Variants in MAP3K21 observed in about 807,000 individuals in gnomAD.
The protein encoded by MAP3K21 is mitogen-activated protein kinase kinase kinase MLK4.
Under a neutral mutation model 86.1 loss-of-function variants are expected in MAP3K21, and 63 were observed. That is an observed-to-expected ratio of 0.73 (90% CI 0.60 to 0.90). MAP3K21 has a LOEUF of 0.90. MAP3K21 is among the 40% of genes least tolerant of loss of function. MAP3K21 has a pLI of 0.00. For synonymous variants in MAP3K21, 558 were observed against 564.8 expected (o/e 0.99, Z 0.17); for missense variants, 1,220 against 1,367.7 (o/e 0.89, Z 1.70).
chr1:233,347,134 A>G (rs1047896178), intron 2 of MAP3K21, among the ~76,000 whole-genome samples: 2 of 152,092 alleles, frequency 1.3e-5, no homozygotes, highest in Non-Finnish European at 2.9e-5. Flanking sequence ...GACTCAAGTG[A>G]TCCACCCACC....
At chr1:233,339,397 TTCTCCTCCTC>T (rs1662990689) in intron 1 of MAP3K21, among the ~76,000 whole-genome samples, 1 of 103,272 alleles carries the variant, frequency 9.7e-6, no homozygotes, top group Non-Finnish European at 1.9e-5. Context: ...CTTCTCCTCC[TTCTCCTCCTC>T]CTCCTCCTCC....
In MAP3K21 at chr1:233,382,588, G is replaced by A. The variant is rs764758688; in HGVS notation, c.2988G>A (p.Val996=). 1.2e-6 allele frequency: 2 copies of A among 1,614,182 alleles called. No homozygotes were observed. The highest frequency in any genetic ancestry group is 1.3e-5 in the African/African-American group (1 of 75,052). The stretch of plus-strand genomic sequence containing the variant: ...CCAAGGAGAGAACTAAATCCCATGT[G>A]CCTTCATTACTGGATGCTGACGTGG... ...LAAKERTKSH[V]PSLLDADVEG... The change falls in exon 10 of 10, where the codon GTG becomes GTA. Residue 996 remains valine, a synonymous_variant. Transcript: ENST00000366624.
chr1:233,370,172 T>G (rs1663657235), intron 5 of MAP3K21, among the ~76,000 whole-genome samples: 1 of 152,142 alleles, frequency 6.6e-6, no homozygotes, highest in South Asian at 2.1e-4. Flanking sequence ...GAAAAAAACA[T>G]TTATTGAGCA....
At chr1:233,336,661 G>A (rs1662920673) in intron 1 of MAP3K21, among the ~76,000 whole-genome samples, 1 of 152,122 alleles carries the variant, frequency 6.6e-6, no homozygotes, top group Admixed American at 6.5e-5. Context: ...TTTCACTAAT[G>A]TGCTTTAACA....
At chr1:233,348,785 T>TGA (rs938165996) in intron 2 of MAP3K21, among the ~76,000 whole-genome samples, 2 of 152,092 alleles carry the variant, frequency 1.3e-5, no homozygotes, top group African/African-American at 4.8e-5. Flanking sequence ...AAACTGGGAA[T>TGA]GAGAGAGAGA....
At chr1:233,372,384 T>A (rs546440093) in intron 6 of MAP3K21, 4 of 472,636 alleles carry the variant, frequency 8.5e-6, no homozygotes, top group African/African-American at 5.9e-5. Context: ...CAGTTGGTGA[T>A]GCGACCTGGC....
chr1:233,351,530 A>C (rs574389775), intron 2 of MAP3K21, among the ~76,000 whole-genome samples: 1 of 152,224 alleles, frequency 6.6e-6, no homozygotes, highest in South Asian at 2.1e-4. Flanking sequence ...GTGTCTACTA[A>C]AAATACAAAA....
At chr1:233,347,713 A>G (rs1663174321) in intron 2 of MAP3K21, among the ~76,000 whole-genome samples, 1 of 152,174 alleles carries the variant, frequency 6.6e-6, no homozygotes, top group Admixed American at 6.5e-5. Context: ...GCAACAGTAG[A>G]CGCTGGGGAC....
At chr1:233,341,087 A>G (rs746904727) in intron 1 of MAP3K21, among the ~76,000 whole-genome samples, 35 of 152,238 alleles carry the variant, frequency 2.3e-4, no homozygotes, top group Non-Finnish European at 3.2e-4. Flanking sequence ...GAATGGGGCT[A>G]ACGAGGGTCA....
chr1:233,343,681 T>A (rs2102762325), intron 1 of MAP3K21, among the ~76,000 whole-genome samples: 1 of 152,338 alleles, frequency 6.6e-6, no homozygotes, highest in African/African-American at 2.4e-5. Flanking sequence ...TGCTTGAGCT[T>A]CACTGCTCCT....
chr1:233,381,589 ATAT>A (rs1173703217), intron 9 of MAP3K21, among the ~76,000 whole-genome samples: 1 of 152,112 alleles, frequency 6.6e-6, no homozygotes, highest in Non-Finnish European at 1.5e-5. Context: ...GATATTTTCT[ATAT>A]TATTGTTCAT....
intron 6 of MAP3K21, chr1:233,374,040 C>G (rs1453210936): frequency 6.6e-6 from 1 of 152,170 alleles, no homozygotes; most frequent in East Asian, 1.9e-4. Flanking sequence ...CAGCTGAAAG[C>G]TTTTCCGGTT....
intron 6 of MAP3K21, 197 bp downstream of exon 6, chr1:233,372,357 G>A: frequency 1.7e-6 from 1 of 582,270 alleles, no homozygotes; most frequent in African/African-American, 1.9e-5. Context: ...CACAAAAAAT[G>A]AATTTTAGAT....
rs1326778977 is a variant in MAP3K21, at chr1:233,358,398, G to C, written c.1311+3387G>C. On this transcript the variant is annotated intron_variant, in intron 4 of 9. Transcript: ENST00000366624. ...AGTTCTGTGAAGCATTACTACCAGT[G>C]ATATCATTGACATGTTTCTTGGAAA... Among the ~76,000 whole-genome samples, 3 of 151,166 alleles carry C rather than the reference G, an allele frequency of 2.0e-5. No individual in the cohort carries two copies. The South Asian group carries it at 6.3e-4, about 32-fold the overall frequency.
chr1:233,369,086 T>G (rs1663635245), intron 5 of MAP3K21, among the ~76,000 whole-genome samples: 2 of 152,118 alleles, frequency 1.3e-5, no homozygotes, highest in Non-Finnish European at 2.9e-5. Context: ...AATCATTAGC[T>G]GCTGTGAGGG....
intron 4 of MAP3K21, among the ~76,000 whole-genome samples, chr1:233,356,945 T>C (rs1663370538): frequency 6.6e-6 from 1 of 152,214 alleles, no homozygotes; most frequent in Non-Finnish European, 1.5e-5. Flanking sequence ...ATATTAAACA[T>C]TGAAACAAAT....
At chr1:233,360,136 TC>T (rs1455266614) in intron 4 of MAP3K21, among the ~76,000 whole-genome samples, 1 of 152,232 alleles carries the variant, frequency 6.6e-6, no homozygotes, top group Non-Finnish European at 1.5e-5. Context: ...TGGATTGATA[TC>T]AACATCACTG....
chr1:233,336,161 G>C (rs1662907153), intron 1 of MAP3K21, among the ~76,000 whole-genome samples: 1 of 152,114 alleles, frequency 6.6e-6, no homozygotes, highest in African/African-American at 2.4e-5. Context: ...GTGAACCTTA[G>C]GAATAAGCGA....
At chr1:233,349,544 C>A (rs1490064391) in intron 2 of MAP3K21, among the ~76,000 whole-genome samples, 2 of 152,232 alleles carry the variant, frequency 1.3e-5, no homozygotes, top group South Asian at 2.1e-4. Context: ...GTTGCTAAAA[C>A]CAACCAAAAT....
Sources: gnomAD v4.1 joint callset for allele counts (sites outside exome capture counted in the v4.1 genomes callset) on GRCh38, gnomAD v4.1.1 for gene constraint, MANE v1.5 for transcripts, NCBI Gene and HGNC (gene_info 2026-07-23, HGNC 2026-07-21) for gene names.